The following TNKS variants were observed in gnomAD, a reference collection of about 807,000 sequenced individuals.
The protein encoded by TNKS is tankyrase, also known as poly [ADP-ribose] polymerase tankyrase-1.
A neutral mutation model predicts 135.8 loss-of-function variants in TNKS; 72 were observed. That is an observed-to-expected ratio of 0.53 (90% CI 0.44 to 0.64). The LOEUF (loss-of-function observed/expected upper bound fraction) is 0.64, where lower values mean the gene tolerates loss of function less well. Among genes scored for constraint, TNKS ranks in the 30% least tolerant of loss-of-function variants. The probability of loss-of-function intolerance (pLI) is 0.00; values close to 1 mark genes in which losing one functional copy is unlikely to be tolerated. For synonymous variants in TNKS, 849 were observed against 649.3 expected (o/e 1.31, Z -4.68); for missense variants, 1,769 against 1,674.0 (o/e 1.06, Z -0.99).
intron 2 of TNKS, among the ~76,000 whole-genome samples, chr8:9,589,382 G>A (rs1798504136): frequency 6.6e-6 from 1 of 152,182 alleles, no homozygotes; most frequent in Non-Finnish European, 1.5e-5. Flanking sequence ...GTAAATAACT[G>A]CATGTAAAGT....
chr8:9,751,887 G>T (rs761740292), intron 19 of TNKS, 41 bp downstream of exon 19: 7 of 1,579,626 alleles, frequency 4.4e-6, no homozygotes, highest in East Asian at 2.2e-5. Flanking sequence ...TATACCTTTT[G>T]TTAGTGGAGC....
chr8:9,736,471 T>C (rs1805710942), intron 17 of TNKS, among the ~76,000 whole-genome samples: 1 of 152,110 alleles, frequency 6.6e-6, no homozygotes, highest in Non-Finnish European at 1.5e-5. Flanking sequence ...CATGAAGTCC[T>C]TGCCCACGCC....
chr8:9,733,248 T>C (rs755627683), intron 14 of TNKS, 31 bp from the exon 15 acceptor site: 4 of 1,529,702 alleles, frequency 2.6e-6, no homozygotes, highest in Non-Finnish European at 2.6e-6. Context: ...AGGTTTGTTT[T>C]ATGACTTTAA....
chr8:9,772,853 G>GTT (rs1452853837), intron 26 of TNKS, among the ~76,000 whole-genome samples: 1 of 139,248 alleles, frequency 7.2e-6, no homozygotes, highest in East Asian at 2.0e-4. Flanking sequence ...GTGTGTGTGT[G>GTT]TGTGTGTAGT....
intron 3 of TNKS, among the ~76,000 whole-genome samples, chr8:9,634,419 T>C (rs1415330807): frequency 6.6e-6 from 1 of 152,220 alleles, no homozygotes; most frequent in Non-Finnish European, 1.5e-5. Flanking sequence ...TTTGACTTCA[T>C]ATTCTTGGTG....
At position 9,764,043 on chromosome 8, in the gene TNKS, C is replaced by G. The variant is rs554909770; in HGVS notation, c.3373-673C>G. ...GGGTCCGGTGTCTTACTACCTAATT[C>G]TCCTAGCAGTTAGTACATTTTGATA... On this transcript the variant is annotated intron_variant, in intron 22 of 26. Coordinates refer to ENST00000310430, the MANE Select transcript of TNKS (RefSeq NM_003747.3). 3.9e-5 allele frequency among the ~76,000 whole-genome samples: 6 copies of G among 152,214 alleles called. No individual in the cohort carries two copies. In the South Asian group the frequency reaches 1.0e-3, roughly 26 times the overall value.
intron 5 of TNKS, among the ~76,000 whole-genome samples, chr8:9,689,820 ACTAT>A (rs1275548446): frequency 6.6e-6 from 1 of 152,218 alleles, no homozygotes; most frequent in African/African-American, 2.4e-5. Context: ...AGTTAAAATG[ACTAT>A]CTAATGATCT....
intron 9 of TNKS, among the ~76,000 whole-genome samples, chr8:9,709,642 G>A (rs560509712): frequency 3.3e-5 from 5 of 152,230 alleles, no homozygotes; most frequent in Admixed American, 6.5e-5. Context: ...TTTCTGTAGC[G>A]TTGCAGAGGC....
Position 9,572,879 on chromosome 8 carries a change from T to A in TNKS, c.674-7280T>A, listed in dbSNP as rs570681206. On this transcript the variant is annotated intron_variant, in intron 1 of 26. Coordinates refer to ENST00000310430, the MANE Select transcript of TNKS (RefSeq NM_003747.3). ...TGTTGGCCGGGAAAAACCTTTTTTT[T>A]AAACTCATAGGTATTGCATAAATGT... Among the ~76,000 whole-genome samples, 3 of 152,322 alleles carry A rather than the reference T, an allele frequency of 2.0e-5. No individual in the cohort carries two copies. The East Asian group carries it at 5.8e-4, about 29-fold the overall frequency.
intron 3 of TNKS, among the ~76,000 whole-genome samples, chr8:9,620,433 C>T (rs895190696): frequency 3.9e-5 from 6 of 152,168 alleles, no homozygotes; most frequent in African/African-American, 7.2e-5. Flanking sequence ...ACTTAAACTT[C>T]GCTCAGTTCT....
At chr8:9,692,381 C>T (rs968758225) in intron 5 of TNKS, among the ~76,000 whole-genome samples, 4 of 152,160 alleles carry the variant, frequency 2.6e-5, no homozygotes, top group Non-Finnish European at 5.9e-5. Context: ...TCATTTTAAC[C>T]AGAAGACAAC....
At chr8:9,595,570 G>T (rs531793864) in intron 2 of TNKS, among the ~76,000 whole-genome samples, 4 of 151,846 alleles carry the variant, frequency 2.6e-5, no homozygotes, top group African/African-American at 9.7e-5. Context: ...TATATGTTAT[G>T]TACTTATTAA....
intron 1 of TNKS, among the ~76,000 whole-genome samples, chr8:9,566,031 C>T (rs1314911425): frequency 6.6e-6 from 1 of 151,926 alleles, no homozygotes; most frequent in Non-Finnish European, 1.5e-5. Context: ...AGTTCTGATG[C>T]CCTCATTCTG....
chr8:9,689,599 A>G (rs1294040540), intron 5 of TNKS, among the ~76,000 whole-genome samples: 2 of 152,224 alleles, frequency 1.3e-5, no homozygotes, highest in Admixed American at 6.5e-5. Context: ...TTCAATACCC[A>G]TTAGAATTGG....
chr8:9,754,986 G>A (rs1212783525), intron 20 of TNKS, among the ~76,000 whole-genome samples: 1 of 152,162 alleles, frequency 6.6e-6, no homozygotes, highest in East Asian at 1.9e-4. Flanking sequence ...TACAGCTATA[G>A]CTGTTCTTCC....
intron 3 of TNKS, among the ~76,000 whole-genome samples, chr8:9,619,914 T>A (rs1199881175): frequency 6.6e-6 from 1 of 151,974 alleles, no homozygotes; most frequent in Non-Finnish European, 1.5e-5. Flanking sequence ...CTACTAGATT[T>A]TGCTGAAACC....
intron 5 of TNKS, among the ~76,000 whole-genome samples, chr8:9,693,317 C>T (rs1017478423): frequency 6.6e-6 from 1 of 151,970 alleles, no homozygotes; most frequent in Admixed American, 6.6e-5. Context: ...TAATAACATT[C>T]CTATTTGTGT....
At chr8:9,598,391 C>G (rs1798874230) in intron 2 of TNKS, among the ~76,000 whole-genome samples, 1 of 152,078 alleles carries the variant, frequency 6.6e-6, no homozygotes, top group African/African-American at 2.4e-5. Context: ...AAAGCAGAAT[C>G]AAATTATTAC....
At chr8:9,653,499 G>C (rs1053225549) in intron 3 of TNKS, among the ~76,000 whole-genome samples, 3 of 151,962 alleles carry the variant, frequency 2.0e-5, no homozygotes, top group Middle Eastern at 6.8e-3. Context: ...CTCGTACTGG[G>C]TCTTAACCCA....
Sources: gnomAD v4.1 joint callset for allele counts (sites outside exome capture counted in the v4.1 genomes callset) on GRCh38, gnomAD v4.1.1 for gene constraint, MANE v1.5 for transcripts, NCBI Gene and HGNC (gene_info 2026-07-23, HGNC 2026-07-21) for gene names.